The following SEC14L1 variants were observed in gnomAD, a reference collection of about 807,000 sequenced individuals.
SEC14L1 encodes the protein SEC14-like protein 1.
SEC14L1 carries 48 observed loss-of-function variants against 85.3 expected under a neutral mutation model. The ratio of observed to expected loss-of-function variants is 0.56; its 90% CI spans 0.45 to 0.72. SEC14L1 has a LOEUF of 0.72. Ranked by LOEUF, SEC14L1 falls within the 30% of genes least tolerant of loss-of-function variation. The probability of loss-of-function intolerance (pLI) is 0.00; values close to 1 mark genes in which losing one functional copy is unlikely to be tolerated. For missense variants in SEC14L1, 682 were observed against 921.4 expected (o/e 0.74, Z 3.36); for synonymous variants, 391 against 355.5 (o/e 1.10, Z -1.12).
At chr17:77,144,077 A>G (rs1973170395) in intron 3 of SEC14L1, among the ~76,000 whole-genome samples, 1 of 152,146 alleles carries the variant, frequency 6.6e-6, no homozygotes, top group South Asian at 2.1e-4. Flanking sequence ...GCACTGTGCG[A>G]TGGAGTTTTA....
At chr17:77,189,253 A>G (rs1975408946) in intron 3 of SEC14L1, among the ~76,000 whole-genome samples, 1 of 152,182 alleles carries the variant, frequency 6.6e-6, no homozygotes, top group South Asian at 2.1e-4. Context: ...CACAGAGAAC[A>G]GAGAGCAGAT....
At chr17:77,115,149 G>A (rs1198909587) in intron 3 of SEC14L1, among the ~76,000 whole-genome samples, 1 of 150,668 alleles carries the variant, frequency 6.6e-6, no homozygotes, top group East Asian at 2.0e-4. Context: ...CTGCAAGCCC[G>A]GCCGGGCACG....
chr17:77,147,160 T>C (rs1487359274), intron 3 of SEC14L1, among the ~76,000 whole-genome samples: 1 of 152,240 alleles, frequency 6.6e-6, no homozygotes, highest in Non-Finnish European at 1.5e-5. Flanking sequence ...ATGTGAGTCC[T>C]GTGAGGTGAG....
chr17:77,136,674 A>G (rs1390455569), upstream of SEC14L1, among the ~76,000 whole-genome samples: 1 of 152,156 alleles, frequency 6.6e-6, no homozygotes, highest in Non-Finnish European at 1.5e-5. Context: ...TTGTACATGC[A>G]TATCATTTCC....
chr17:77,092,347 C>T (rs1318200308), intron 2 of SEC14L1, among the ~76,000 whole-genome samples: 1 of 151,998 alleles, frequency 6.6e-6, no homozygotes, highest in Non-Finnish European at 1.5e-5. Flanking sequence ...TCAGTAGGCA[C>T]TATGGAACAA....
chr17:77,212,716 T>C lies in SEC14L1; in HGVS notation c.1863+515T>C, dbSNP rs142406975. 627 of 168,578 alleles carry C rather than the reference T, an allele frequency of 3.7e-3. 3 individuals carry two copies. The highest frequency in any genetic ancestry group is 0.019 in the South Asian group (127 of 6,604). 10.4% of individuals were successfully genotyped at this position (168,578 alleles called of 1,614,324 possible). ...GGGGCATTGCTTCTGGCCTTCATAA[T>C]AGATGCATCGTTTTGCTGCCTTTAC... is the stretch of plus-strand genomic sequence containing the variant. On this transcript the variant is annotated intron_variant, in intron 15 of 16. Coordinates refer to ENST00000436233, the MANE Select transcript of SEC14L1 (RefSeq NM_001143998.2).
At chr17:77,137,352 G>T (rs982033959), upstream of SEC14L1, among the ~76,000 whole-genome samples, 2 of 152,222 alleles carry the variant, frequency 1.3e-5, no homozygotes, top group Admixed American at 1.3e-4. Flanking sequence ...TGGAAGGAGA[G>T]AAGGGGGAAC....
chr17:77,155,746 A>T (rs764284750), intron 3 of SEC14L1, among the ~76,000 whole-genome samples: 132 of 152,050 alleles, frequency 8.7e-4, no homozygotes, highest in Middle Eastern at 3.4e-3. Flanking sequence ...TATTTATTTA[A>T]TTTTTTTGAG....
At chr17:77,187,945 A>G (rs1048455783) in intron 3 of SEC14L1, among the ~76,000 whole-genome samples, 5 of 151,834 alleles carry the variant, frequency 3.3e-5, no homozygotes, top group African/African-American at 9.7e-5. Flanking sequence ...GGGTTATGCT[A>G]TGTTGCCTAG....
chr17:77,195,533 G>T (rs745897915), intron 7 of SEC14L1, among the ~76,000 whole-genome samples: 12 of 151,930 alleles, frequency 7.9e-5, no homozygotes, highest in Non-Finnish European at 1.8e-4. Context: ...TGTCGCCCAG[G>T]CTGCAGTGTA....
At chr17:77,202,936 T>TA (rs11349959) in intron 9 of SEC14L1, among the ~76,000 whole-genome samples, 5,125 of 133,906 alleles carry the variant, frequency 0.038, 290 homozygotes, top group African/African-American at 0.13. Context: ...AATAAAAAAA[T>TA]AAAAAAAAAA....
rs1246924134 is a variant in SEC14L1 at position 77,097,397 on chromosome 17, CTATTAAAAGT to C, written c.-136+4051_-136+4060del. Among the ~76,000 whole-genome samples the C allele has an allele frequency of 1.1e-4, 17 of 152,254 alleles. No individual in the cohort carries two copies. In the South Asian group the frequency reaches 1.4e-3, roughly 13 times the overall value. ...TGGCCAACATGGTGAAACCCCGTCT[CTATTAAAAGT>C]ACAAAAATTAGCCGGGCGTAGTGGC... On this transcript the variant is annotated intron_variant, in intron 3 of 19. Transcript: ENST00000392476.
At chr17:77,141,602 C>G (rs1477602300) in intron 1 of SEC14L1, 1 of 152,160 alleles carries the variant, frequency 6.6e-6, no homozygotes. Context: ...CCGTCCGGCT[C>G]CTGGATGCCA....
intron 3 of SEC14L1, among the ~76,000 whole-genome samples, chr17:77,178,566 G>C (rs1974860690): frequency 6.6e-6 from 1 of 152,200 alleles, no homozygotes; most frequent in Non-Finnish European, 1.5e-5. Flanking sequence ...GACTGGTTTT[G>C]TGGAAGACAG....
intron 3 of SEC14L1, among the ~76,000 whole-genome samples, chr17:77,103,145 C>T (rs1054968039): frequency 7.2e-5 from 11 of 151,834 alleles, no homozygotes; most frequent in African/African-American, 1.7e-4. Flanking sequence ...GGGAGTCTTC[C>T]TCTGTAGTCC....
rs1233769309 is a variant in SEC14L1 at position 77,215,545 on chromosome 17, A to T, written c.*1522A>T. 2.0e-5 allele frequency: 20 copies of T among 986,322 alleles called. No individual in the cohort carries two copies. Among genetic ancestry groups the T allele is most frequent in the Non-Finnish European group, 2.4e-5 (20 of 830,500 alleles). 61.1% of individuals were successfully genotyped at this position (986,322 alleles called of 1,614,324 possible). ...CGTGCAGGGATCAGGAGGGCGGGGG[A>T]GGGACCGAGCAGCCCTCTTGCCCGG... On this transcript the variant is annotated 3_prime_UTR_variant, in exon 17 of 17. Transcript: ENST00000436233.
chr17:77,115,879 G>A (rs1972160823), intron 3 of SEC14L1, among the ~76,000 whole-genome samples: 2 of 149,678 alleles, frequency 1.3e-5, no homozygotes, highest in African/African-American at 4.9e-5. Context: ...TCAGTTTATT[G>A]TTTGGTAAAG....
chr17:77,153,974 C>T (rs1973689086), intron 3 of SEC14L1, among the ~76,000 whole-genome samples: 1 of 152,132 alleles, frequency 6.6e-6, no homozygotes, highest in African/African-American at 2.4e-5. Flanking sequence ...TTGCATGGTA[C>T]AAGTTGATGT....
chr17:77,108,288 A>G (rs989255192), intron 3 of SEC14L1, among the ~76,000 whole-genome samples: 1 of 152,186 alleles, frequency 6.6e-6, no homozygotes, highest in African/African-American at 2.4e-5. Context: ...CGTGGTCGTC[A>G]TAACCCAGTT....
Sources: allele counts gnomAD v4.1 joint callset (sites outside exome capture counted in the v4.1 genomes callset), GRCh38; gene constraint gnomAD v4.1.1; transcripts MANE v1.5; gene names NCBI Gene and HGNC (gene_info 2026-07-23, HGNC 2026-07-21).